The following TAOK3 variants were observed in gnomAD, a reference collection of about 807,000 sequenced individuals.
The protein encoded by TAOK3 is serine/threonine-protein kinase TAO3.
In TAOK3, 40 loss-of-function variants were observed where a neutral mutation model predicts 120.4. The ratio of observed to expected loss-of-function variants is 0.33; its 90% CI spans 0.26 to 0.43. The LOEUF (loss-of-function observed/expected upper bound fraction) is 0.43, where lower values mean the gene tolerates loss of function less well. TAOK3 is among the 20% of genes least tolerant of loss of function. The probability of loss-of-function intolerance (pLI) is 1.00; values close to 1 mark genes in which losing one functional copy is unlikely to be tolerated. For missense variants in TAOK3, 821 were observed against 1,112.1 expected (o/e 0.74, Z 3.72); for synonymous variants, 355 against 387.5 (o/e 0.92, Z 0.99).
intron 2 of TAOK3, among the ~76,000 whole-genome samples, chr12:118,262,756 G>C (rs2041286410): frequency 6.6e-6 from 1 of 151,014 alleles, no homozygotes; most frequent in African/African-American, 2.4e-5. Context: ...GAAACCGGGA[G>C]GCAGAGGTTG....
In TAOK3 at chr12:118,162,032, G is replaced by A. The variant is rs75606682; in HGVS notation, c.1900-5C>T. 1.1e-3 allele frequency: 1,709 copies of A among 1,610,578 alleles called. 1 individual carries two copies. Among genetic ancestry groups the A allele is most frequent in the Non-Finnish European group, 1.3e-3 (1,574 of 1,177,356 alleles). ...GGTCCTCTTTTTATTTAGTTCCTGC[G>A]TCCAGGAACAAAAGATAAACGGAGA... On this transcript the variant is annotated splice_region_variant and splice_polypyrimidine_tract_variant and intron_variant, in intron 17 of 20. Coordinates refer to ENST00000392533, the MANE Select transcript of TAOK3 (RefSeq NM_016281.4).
At position 118,325,924 on chromosome 12, in the gene TAOK3, C is replaced by A. The variant is rs117361946; in HGVS notation, c.-194+46724G>T. Among the ~76,000 whole-genome samples the A allele has an allele frequency of 1.6e-3, 239 of 152,286 alleles. 3 individuals carry two copies. Among genetic ancestry groups the A allele is most frequent in the Admixed American group, 0.013 (196 of 15,294 alleles). Reference sequence around the variant, plus strand: ...TGAACTCCTGACTTCAAGTGATCTGCAGGCCTTGGCCTCCCAAAATGCTAG... The same window carrying A: ...TGAACTCCTGACTTCAAGTGATCTGAAGGCCTTGGCCTCCCAAAATGCTAG... On this transcript the variant is annotated intron_variant, in intron 1 of 20. Transcript: ENST00000392533.
rs549841900 is a variant in TAOK3, at chr12:118,221,759, C to T, written c.644-7649G>A. 3.3e-5 allele frequency among the ~76,000 whole-genome samples: 5 copies of T among 151,572 alleles called. No individual in the cohort carries two copies. In the South Asian group the frequency reaches 1.0e-3, roughly 32 times the overall value. On this transcript the variant is annotated intron_variant, in intron 9 of 20. Coordinates refer to ENST00000392533, the MANE Select transcript of TAOK3 (RefSeq NM_016281.4). ...ACGCCATTCTCTTGCCTCAGTCTCC[C>T]GAGTAGCTGGGACTACAGGTGCCCG...
Position 118,349,289 on chromosome 12 carries a change from T to C in TAOK3, c.-194+23359A>G, listed in dbSNP as rs577514262. On this transcript the variant is annotated intron_variant, in intron 1 of 20. Transcript: ENST00000392533. ...ATATACCCAAGAGAATGGAAAAATA[T>C]GTTCATTTAAAAACTTGTATATTTA... is the stretch of plus-strand genomic sequence containing the variant. Among the ~76,000 whole-genome samples the C allele has an allele frequency of 5.9e-5, 9 of 152,364 alleles. No individual in the cohort carries two copies. In the East Asian group the frequency reaches 1.7e-3, roughly 29 times the overall value.
At chr12:118,352,525 T>C (rs576204166) in intron 1 of TAOK3, among the ~76,000 whole-genome samples, 3 of 151,534 alleles carry the variant, frequency 2.0e-5, no homozygotes, top group South Asian at 4.2e-4. Context: ...AAATCATATA[T>C]ATACACATAT....
At chr12:118,278,178 T>C (rs2041970069) in intron 1 of TAOK3, among the ~76,000 whole-genome samples, 1 of 152,140 alleles carries the variant, frequency 6.6e-6, no homozygotes, top group Non-Finnish European at 1.5e-5. Context: ...CAGGGGTACA[T>C]GTGCAGGTTT....
intron 3 of TAOK3, chr12:118,246,639 G>A: frequency 3.2e-6 from 5 of 1,568,276 alleles, no homozygotes; most frequent in Middle Eastern, 4.4e-4. Context: ...CAAGGTGACA[G>A]GCCGCTGCGG....
In TAOK3 at chr12:118,160,503, T is replaced by C. The variant is rs2035144605; in HGVS notation, c.2140-145A>G. The C allele has an allele frequency of 5.9e-6, 4 of 673,328 alleles. No homozygotes were observed. Among genetic ancestry groups the C allele is most frequent in the Non-Finnish European group, 1.0e-5 (4 of 396,776 alleles). 41.7% of individuals were successfully genotyped at this position (673,328 alleles called of 1,614,324 possible). A position where few individuals can be genotyped will look rare whatever the true frequency, so the allele number is the denominator to read the frequency against. ...TTGCTAATCAATAAAAATCAAGCAG[T>C]ATGTATGACACAGACAAAAGTTAAC... On this transcript the variant is annotated intron_variant, in intron 18 of 20. Coordinates refer to ENST00000392533, the MANE Select transcript of TAOK3 (RefSeq NM_016281.4). The surrounding 1 kb of genome is among the most constrained non-coding windows in gnomAD (Gnocchi z 4.2).
intron 15 of TAOK3, among the ~76,000 whole-genome samples, chr12:118,178,869 G>T (rs893955444): frequency 3.3e-5 from 5 of 152,194 alleles, no homozygotes; most frequent in African/African-American, 1.2e-4. Flanking sequence ...GCTCCTGAAA[G>T]TGACCAAATC....
chr12:118,160,449 G>C lies in TAOK3; in HGVS notation c.2140-91C>G, dbSNP rs1366149367. 6.3e-6 allele frequency: 7 copies of C among 1,118,992 alleles called. No individual in the cohort carries two copies. Among genetic ancestry groups the C allele is most frequent in the Non-Finnish European group, 9.1e-6 (7 of 771,036 alleles). 69.3% of individuals were successfully genotyped at this position (1,118,992 alleles called of 1,614,324 possible). A position where few individuals can be genotyped will look rare whatever the true frequency, so the allele number is the denominator to read the frequency against. On this transcript the variant is annotated intron_variant, in intron 18 of 20. Transcript: ENST00000392533. The surrounding 1 kb of genome is among the most constrained non-coding windows in gnomAD (Gnocchi z 4.2). ...TAATGATATAATACAAGTGCTGAGA[G>C]CGTCTGTTTTTTGGTGCAGTGACTC...
At chr12:118,179,328 C>T (rs142843291) in intron 15 of TAOK3, among the ~76,000 whole-genome samples, 67 of 152,320 alleles carry the variant, frequency 4.4e-4, no homozygotes, top group Non-Finnish European at 8.1e-4. Flanking sequence ...ATGGAAGTCT[C>T]ATGGGGGTGG....
chr12:118,317,845 G>A (rs2043534779), intron 1 of TAOK3, among the ~76,000 whole-genome samples: 1 of 152,088 alleles, frequency 6.6e-6, no homozygotes, highest in Non-Finnish European at 1.5e-5. Context: ...AAAACCAGTT[G>A]GAGGACTCAC....
At chr12:118,234,112 A>G (rs1326529390) in intron 8 of TAOK3, among the ~76,000 whole-genome samples, 1 of 151,984 alleles carries the variant, frequency 6.6e-6, no homozygotes, top group Non-Finnish European at 1.5e-5. Flanking sequence ...AATATACATA[A>G]AGTACTTAAA....
At chr12:118,162,174 G>T in intron 17 of TAOK3, 147 bp from the exon 18 acceptor site, 1 of 1,066,518 alleles carries the variant, frequency 9.4e-7, no homozygotes, top group Non-Finnish European at 1.3e-6. Flanking sequence ...GACTTAATGA[G>T]ATTAAATTAA....
At chr12:118,286,824 C>T (rs1038176738) in intron 1 of TAOK3, among the ~76,000 whole-genome samples, 3 of 152,180 alleles carry the variant, frequency 2.0e-5, no homozygotes, top group African/African-American at 7.2e-5. Flanking sequence ...AATCCAAATG[C>T]CCATCAATCA....
At chr12:118,305,115 T>C (rs2043003327) in intron 1 of TAOK3, among the ~76,000 whole-genome samples, 1 of 152,200 alleles carries the variant, frequency 6.6e-6, no homozygotes, top group Non-Finnish European at 1.5e-5. Flanking sequence ...ACAGGATTGT[T>C]TATTGTCAGG....
chr12:118,257,818 C>T (rs971034510), intron 2 of TAOK3, among the ~76,000 whole-genome samples: 9 of 152,132 alleles, frequency 5.9e-5, no homozygotes, highest in African/African-American at 2.2e-4. Context: ...CATCCACTTA[C>T]CCAACTCATT....
At chr12:118,302,648 TA>T (rs1314275599) in intron 1 of TAOK3, among the ~76,000 whole-genome samples, 4 of 152,138 alleles carry the variant, frequency 2.6e-5, no homozygotes, top group Admixed American at 6.5e-5. Context: ...TAGATGTGTT[TA>T]AAAAAATCTT....
At chr12:118,368,338 A>G (rs969260373) in intron 1 of TAOK3, among the ~76,000 whole-genome samples, 11 of 152,118 alleles carry the variant, frequency 7.2e-5, no homozygotes, top group Middle Eastern at 6.8e-3. Flanking sequence ...CTGGAATTAC[A>G]GGCGCCTGCC....
Sources: allele counts gnomAD v4.1 joint callset (sites outside exome capture counted in the v4.1 genomes callset), GRCh38; gene constraint gnomAD v4.1.1; non-coding constraint Gnocchi (gnomAD v3.1); transcripts MANE v1.5; gene names NCBI Gene and HGNC (gene_info 2026-07-23, HGNC 2026-07-21).